The following PGAP6 variants were observed in gnomAD, a reference collection of about 807,000 sequenced individuals.
The protein encoded by PGAP6 is post-GPI attachment to proteins 6, also known as post-GPI attachment to proteins factor 6.
In PGAP6, 62 loss-of-function variants were observed where a neutral mutation model predicts 68.4. The ratio of observed to expected loss-of-function variants is 0.91; its 90% CI spans 0.74 to 1.12. The LOEUF (loss-of-function observed/expected upper bound fraction) is 1.12, where lower values mean the gene tolerates loss of function less well. PGAP6 is among the 50% of genes most tolerant of loss of function. PGAP6 has a pLI of 0.00. For missense variants in PGAP6, 1,188 were observed against 1,068.5 expected (o/e 1.11, Z -1.56); for synonymous variants, 575 against 474.0 (o/e 1.21, Z -2.77).
At chr16:385,087 AC>A (rs1567328563), upstream of PGAP6, among the ~76,000 whole-genome samples, 1 of 148,690 alleles carries the variant, frequency 6.7e-6, no homozygotes, top group Admixed American at 6.8e-5. Flanking sequence ...AATCACTTGA[AC>A]CCGGGAGGTG....
intron 1 of PGAP6, among the ~76,000 whole-genome samples, chr16:379,512 G>A (rs188121303): frequency 3.5e-4 from 53 of 152,360 alleles, no homozygotes; most frequent in Admixed American, 5.9e-4. Context: ...CTCAAGTGCT[G>A]GGAGCTGAAG....
chr16:374,506 G>C, intron 9 of PGAP6, 107 bp from the exon 10 acceptor site: 1 of 1,297,196 alleles, frequency 7.7e-7, no homozygotes, highest in Non-Finnish European at 1.0e-6. Context: ...CCAGGAGCAA[G>C]CAGGGTAGGC....
rs1165524930 is a variant in PGAP6, at chr16:372,611, C to A, written c.2019G>T (p.Trp673Cys). Reference protein sequence around the residue: ...LFAFVIMASMWAYRCGHRRQC... With the variant: ...LFAFVIMASMCAYRCGHRRQC... ...AGTGCCAGCCAGCCCGGCTCCTTAC[C>A]CACATGGAGGCCATGATCACGAAGG... is the stretch of plus-strand genomic sequence containing the variant. The change falls in exon 12 of 13, where the codon TGG (tryptophan) becomes TGT (cysteine). Residue 673 changes from tryptophan to cysteine, a missense_variant and splice_region_variant. Transcript: ENST00000431232. The A allele has an allele frequency of 6.2e-7, 1 of 1,609,916 alleles. No homozygotes were observed. The highest frequency in any genetic ancestry group is 1.7e-5 in the Admixed American group (1 of 60,010).
intron 11 of PGAP6, among the ~76,000 whole-genome samples, chr16:373,639 A>C (rs2054353284): frequency 6.6e-6 from 1 of 152,248 alleles, no homozygotes; most frequent in African/African-American, 2.4e-5. Flanking sequence ...GCCTGGGATC[A>C]AGCGATCCTC....
intron 1 of PGAP6, among the ~76,000 whole-genome samples, chr16:379,423 C>T (rs1163319837): frequency 2.0e-5 from 3 of 152,266 alleles, no homozygotes; most frequent in African/African-American, 7.2e-5. Flanking sequence ...ACCCACGACG[C>T]ACTCCAGGCT....
At position 377,558 on chromosome 16, in the gene PGAP6, G is replaced by C. The variant is rs1220969488; in HGVS notation, c.327C>G (p.Val109=). 9 of 1,584,316 alleles carry C rather than the reference G, an allele frequency of 5.7e-6. No homozygotes were observed. The highest frequency in any genetic ancestry group is 7.7e-6 in the Non-Finnish European group (9 of 1,165,796). The change falls in exon 3 of 13, where the codon GTC becomes GTG. Residue 109 remains valine, a synonymous_variant. Coordinates refer to ENST00000431232, the MANE Select transcript of PGAP6 (RefSeq NM_021259.3). ...TVHFRSGAPP[V]INPLGTSFPD... is the part of the protein sequence containing the mutation. ...GGAAGCTGGTGCCCAGCGGGTTGATGACCGGAGGGGCGCCGGAACGGAAGT... is the reference window on the plus strand; with the variant it reads ...GGAAGCTGGTGCCCAGCGGGTTGATCACCGGAGGGGCGCCGGAACGGAAGT...
intron 1 of PGAP6, among the ~76,000 whole-genome samples, chr16:380,663 C>T (rs1456359080): frequency 6.6e-6 from 1 of 152,220 alleles, no homozygotes; most frequent in Admixed American, 6.5e-5. Context: ...TCGCGCCTGG[C>T]CATGGAGCAA....
At chr16:379,675 G>A (rs111713583) in intron 1 of PGAP6, among the ~76,000 whole-genome samples, 66 of 152,330 alleles carry the variant, frequency 4.3e-4, no homozygotes, top group Admixed American at 1.5e-3. Flanking sequence ...AGGGCACCTA[G>A]AACCCAGCTG....
upstream of PGAP6, chr16:382,091 A>C (rs80164290): frequency 1.8e-4 from 53 of 286,600 alleles, 1 homozygote; most frequent in East Asian, 5.5e-4. Flanking sequence ...GGGCGCCGGT[A>C]GGGGGGAGGG....
chr16:377,236 G>A (rs755176474), intron 3 of PGAP6, 72 bp from the exon 4 acceptor site: 38 of 1,604,366 alleles, frequency 2.4e-5, no homozygotes, highest in South Asian at 4.4e-5. Context: ...CTCACCAGAC[G>A]CCCCCGGCAT....
chr16:386,803 A>AAG (rs1442895755), upstream of PGAP6: 8 of 634,510 alleles, frequency 1.3e-5, no homozygotes, highest in South Asian at 1.1e-4. Context: ...GCCTCTCCTG[A>AAG]AGCCGAAGCC....
In PGAP6 at chr16:376,720, A is replaced by C. The variant is rs774975652; in HGVS notation, c.728T>G (p.Val243Gly). Reference sequence around the variant, plus strand: ...GTTGCTAGGCAGGGTGACCGGGCCCACGGTGAGACGCACGGGGCAGCCCAG... The same window carrying C: ...GTTGCTAGGCAGGGTGACCGGGCCCCCGGTGAGACGCACGGGGCAGCCCAG... ...GSLGCPVRLT[V>G]GPVTLPSNFQ... The change falls in exon 5 of 13, where the codon GTG becomes GGG. Residue 243 changes from valine to glycine, a missense_variant. Transcript: ENST00000431232. 6.2e-7 allele frequency: 1 copy of C among 1,611,796 alleles called. No individual in the cohort carries two copies. Among genetic ancestry groups the C allele is most frequent in the Non-Finnish European group, 8.5e-7 (1 of 1,179,848 alleles).
Position 372,676 on chromosome 16 carries a change from G to A in PGAP6, c.1954C>T (p.Arg652Cys), listed in dbSNP as rs200542593. 1.2e-5 allele frequency: 19 copies of A among 1,612,390 alleles called. No homozygotes were observed. Among genetic ancestry groups the A allele is most frequent in the South Asian group, 6.6e-5 (6 of 91,060 alleles). ...CCCAGCATGTTCCACATGCCCCTGC[G>A]GTCCAGCTGCAAGGACATGGCGATG... ...LVIAMSLQLD[R>C]RGMWNMLGPC... The change falls in exon 12 of 13, where the codon CGC becomes TGC. Residue 652 changes from arginine (R) to cysteine (C), a missense_variant. Arg to Cys is a radical substitution (Grantham distance 180, BLOSUM62 -3). Transcript: ENST00000431232.
In PGAP6 at chr16:371,832, G is replaced by C. The variant is rs1392929439; in HGVS notation, c.*155C>G. The stretch of plus-strand genomic sequence containing the variant: ...CGAGGAGAGGTGCGTGTGAGGGAGG[G>C]GTGGCCCTCTCCTCAGTAGGAGGAA... On this transcript the variant is annotated 3_prime_UTR_variant, in exon 13 of 13. Transcript: ENST00000431232. 5 of 720,144 alleles carry C rather than the reference G, an allele frequency of 6.9e-6. No homozygotes were observed. The highest frequency in any genetic ancestry group is 1.1e-5 in the Non-Finnish European group (5 of 444,788). The allele number at this position is 720,144 out of a possible 1,614,324, so 44.6% of individuals were successfully genotyped here.
intron 1 of PGAP6, among the ~76,000 whole-genome samples, chr16:378,348 TCTGACTGCCATCCCC>T (rs2054408662): frequency 2.0e-3 from 14 of 7,062 alleles, no homozygotes; most frequent in African/African-American, 6.6e-3. Context: ...CCATCGCCAC[TCTGACTGCCATCCCC>T]ACCCGCACTG....
At chr16:372,411 C>T in intron 12 of PGAP6, 128 bp from the exon 13 acceptor site, 4 of 1,129,810 alleles carry the variant, frequency 3.5e-6, no homozygotes, top group East Asian at 2.4e-5. Flanking sequence ...TGGGCTGCTT[C>T]GAGGGGGCTC....
intron 9 of PGAP6, 21 bp downstream of exon 9, chr16:374,735 G>T: frequency 6.2e-7 from 1 of 1,611,720 alleles, no homozygotes. Flanking sequence ...GTCTCGGGGC[G>T]GGCGGGGCCC....
At position 379,084 on chromosome 16, in the gene PGAP6, C is replaced by T. The variant is rs1003046403; in HGVS notation, c.122-1236G>A. Among the ~76,000 whole-genome samples, 12 of 152,142 alleles carry T rather than the reference C, an allele frequency of 7.9e-5. No individual in the cohort carries two copies. In the East Asian group the frequency reaches 2.3e-3, roughly 29 times the overall value. ...CGGAGGGCACATCCCTTTGGGGGCC[C>T]CTCCCTCCGAGGTTAATTAACGACA... On this transcript the variant is annotated intron_variant, in intron 1 of 12. Coordinates refer to ENST00000431232, the MANE Select transcript of PGAP6 (RefSeq NM_021259.3).
In PGAP6 at chr16:374,302, G is replaced by A. The variant is rs772285679; in HGVS notation, c.1674C>T (p.Phe558=). The A allele has an allele frequency of 3.1e-6, 5 of 1,606,558 alleles. No individual in the cohort carries two copies. Among genetic ancestry groups the A allele is most frequent in the Middle Eastern group, 1.7e-4 (1 of 5,956 alleles). ...TLLLTLSNLM[F]LAPIAVSVRR... is the part of the protein sequence containing the mutation. ...GCACTGAGACGGCGATGGGGGCCAG[G>A]AACATGAGGTTGCTGAGCGTGAGCA... The change falls in exon 10 of 13, where the codon TTC becomes TTT. Residue 558 remains phenylalanine, a synonymous_variant. Transcript: ENST00000431232.
Sources: gnomAD v4.1 joint callset for allele counts (sites outside exome capture counted in the v4.1 genomes callset) on GRCh38, gnomAD v4.1.1 for gene constraint, MANE v1.5 for transcripts, NCBI Gene and HGNC (gene_info 2026-07-23, HGNC 2026-07-21) for gene names.